Variants in DIS3L2 observed in about 807,000 individuals in gnomAD.
DIS3L2 encodes the protein DIS3-like exonuclease 2.
In DIS3L2, 34 loss-of-function variants were observed where a neutral mutation model predicts 97.5. The observed-to-expected ratio is 0.35, with a 90% confidence interval of 0.27 to 0.46. The LOEUF (loss-of-function observed/expected upper bound fraction) is 0.46. Among genes scored for constraint, DIS3L2 ranks in the 20% least tolerant of loss-of-function variants. The pLI is 1.00. For synonymous variants in DIS3L2, 435 were observed against 445.2 expected (o/e 0.98, Z 0.29); for missense variants, 1,038 against 1,146.0 (o/e 0.91, Z 1.36).
At chr2:232,125,525 C>G (rs1196187706) in intron 6 of DIS3L2, among the ~76,000 whole-genome samples, 1 of 152,210 alleles carries the variant, frequency 6.6e-6, no homozygotes, top group Admixed American at 6.5e-5. Context: ...ACTCCTCTTT[C>G]CTCAGTGAAG....
chr2:232,054,551 T>C (rs3100619), intron 5 of DIS3L2, among the ~76,000 whole-genome samples: 85,687 of 152,064 alleles, frequency 0.56, 25,069 homozygotes, highest in East Asian at 0.69. Context: ...CATAGTATTA[T>C]ATGCTTAAAG....
At chr2:232,014,374 A>G (rs1462957852) in intron 1 of DIS3L2, among the ~76,000 whole-genome samples, 11 of 152,340 alleles carry the variant, frequency 7.2e-5, no homozygotes, top group Admixed American at 6.5e-4. Flanking sequence ...GGTGGATTCT[A>G]AGGAATTGAC....
rs1698187437 is a variant in DIS3L2 at position 232,130,615 on chromosome 2, G to A, written c.602-4G>A. ...CCTCTTCTCTCTTTATCTTTTTAAT[G>A]TAGGAAGAGAGGATGGTGATGCACC... is the stretch of plus-strand genomic sequence containing the variant. On this transcript the variant is annotated splice_region_variant and splice_polypyrimidine_tract_variant and intron_variant, in intron 6 of 20. Transcript: ENST00000325385. The A allele has an allele frequency of 1.9e-6, 3 of 1,606,512 alleles. No individual in the cohort carries two copies. Among genetic ancestry groups the A allele is most frequent in the Non-Finnish European group, 2.5e-6 (3 of 1,176,950 alleles).
At chr2:232,087,206 G>A (rs1055813505) in intron 5 of DIS3L2, among the ~76,000 whole-genome samples, 6 of 152,076 alleles carry the variant, frequency 3.9e-5, no homozygotes, top group Admixed American at 2.6e-4. Context: ...CAGGGCCTTT[G>A]GGGAGAGGGG....
intron 8 of DIS3L2, among the ~76,000 whole-genome samples, chr2:232,155,927 TTGCAGTGAGCTGAGATCGCGCCCC>T (rs1482554406): frequency 4.0e-5 from 6 of 151,802 alleles, no homozygotes; most frequent in African/African-American, 1.5e-4. Flanking sequence ...GAGGCGGAGC[TTGCAGTGAGCTGAGATCGCGCCCC>T]TGCACTCCAG....
chr2:232,212,248 G>C (rs1692211638), intron 10 of DIS3L2, among the ~76,000 whole-genome samples: 2 of 152,368 alleles, frequency 1.3e-5, no homozygotes, highest in South Asian at 4.1e-4. Flanking sequence ...TGTGGAAAGT[G>C]CCCCTAGGCT....
intron 5 of DIS3L2, among the ~76,000 whole-genome samples, chr2:232,038,177 A>C (rs1330388434): frequency 6.6e-6 from 1 of 152,124 alleles, no homozygotes; most frequent in Non-Finnish European, 1.5e-5. Context: ...TGTTTTCTTG[A>C]ATCTAGCATA....
At chr2:232,105,810 A>G (rs538708795) in intron 6 of DIS3L2, among the ~76,000 whole-genome samples, 4 of 152,162 alleles carry the variant, frequency 2.6e-5, no homozygotes, top group Non-Finnish European at 5.9e-5. Flanking sequence ...GTCAGTCGCT[A>G]TGTGTGCCTG....
chr2:232,163,299 C>T (rs894748016), intron 8 of DIS3L2, among the ~76,000 whole-genome samples, 160 bp from the exon 9 acceptor site: 1 of 152,222 alleles, frequency 6.6e-6, no homozygotes, highest in African/African-American at 2.4e-5. Context: ...ACTGTGTCTT[C>T]TGCTTTCCCA....
chr2:232,209,449 A>T (rs1335751984), intron 9 of DIS3L2, among the ~76,000 whole-genome samples: 1 of 152,202 alleles, frequency 6.6e-6, no homozygotes. Context: ...TTGATGAATG[A>T]GGAAAAGACA....
intron 13 of DIS3L2, among the ~76,000 whole-genome samples, chr2:232,271,788 G>A (rs546387289): frequency 6.6e-6 from 1 of 152,250 alleles, no homozygotes; most frequent in Non-Finnish European, 1.5e-5. Flanking sequence ...GAGCTTTGGG[G>A]AGAACCTGGG....
intron 1 of DIS3L2, among the ~76,000 whole-genome samples, chr2:231,984,361 G>A (rs1693349048): frequency 4.7e-5 from 7 of 150,040 alleles, no homozygotes; most frequent in Admixed American, 4.7e-4. Context: ...AGTGAGTGGC[G>A]TGATCTGGGC....
chr2:232,338,886 A>T (rs1696047897), downstream of DIS3L2, among the ~76,000 whole-genome samples: 1 of 152,286 alleles, frequency 6.6e-6, no homozygotes, highest in Non-Finnish European at 1.5e-5. Flanking sequence ...GGGCTGTCCC[A>T]CAGCACCTGC....
intron 6 of DIS3L2, among the ~76,000 whole-genome samples, chr2:232,090,541 AC>A (rs977402769): frequency 1.3e-5 from 2 of 152,194 alleles, no homozygotes; most frequent in African/African-American, 4.8e-5. Context: ...GGATATTTCA[AC>A]CATCTTCTCT....
chr2:232,308,629 C>G (rs1047019691), intron 14 of DIS3L2, among the ~76,000 whole-genome samples: 1 of 152,176 alleles, frequency 6.6e-6, no homozygotes, highest in African/African-American at 2.4e-5. Context: ...AAGGACAGTA[C>G]TCCTTGCAGC....
chr2:232,110,821 G>A (rs1307302103), intron 6 of DIS3L2, among the ~76,000 whole-genome samples: 1 of 151,972 alleles, frequency 6.6e-6, no homozygotes, highest in Non-Finnish European at 1.5e-5. Flanking sequence ...ACCAAACATG[G>A]CACATGTTTA....
chr2:232,146,529 C>T (rs969949654), intron 8 of DIS3L2, among the ~76,000 whole-genome samples: 2 of 152,178 alleles, frequency 1.3e-5, no homozygotes, highest in African/African-American at 2.4e-5. Context: ...CTGTCCTCAG[C>T]AATCCAGTGG....
chr2:232,032,256 A>G (rs1223037111), intron 5 of DIS3L2, among the ~76,000 whole-genome samples: 1 of 152,186 alleles, frequency 6.6e-6, no homozygotes, highest in Non-Finnish European at 1.5e-5. Flanking sequence ...TTCTCTAATG[A>G]CCAGTGTTGA....
intron 1 of DIS3L2, among the ~76,000 whole-genome samples, chr2:232,000,798 C>T (rs1254220765): frequency 6.9e-6 from 1 of 144,714 alleles, no homozygotes; most frequent in Non-Finnish European, 1.5e-5. Flanking sequence ...AACTCCTGAG[C>T]TCGAGCAGTT....
Sources: gnomAD v4.1 joint callset for allele counts (sites outside exome capture counted in the v4.1 genomes callset) on GRCh38, gnomAD v4.1.1 for gene constraint, MANE v1.5 for transcripts, NCBI Gene and HGNC (gene_info 2026-07-23, HGNC 2026-07-21) for gene names.